Variants in SLC16A1 observed in about 807,000 individuals in gnomAD.
SLC16A1 encodes the protein solute carrier family 16 member 1.
SLC16A1 carries 11 observed loss-of-function variants against 32.2 expected under a neutral mutation model. The observed-to-expected ratio is 0.34, with a 90% confidence interval of 0.21 to 0.56. SLC16A1 has a LOEUF of 0.56. Among genes scored for constraint, SLC16A1 ranks in the 20% least tolerant of loss-of-function variants. The probability of loss-of-function intolerance (pLI) is 0.87; values close to 1 mark genes in which losing one functional copy is unlikely to be tolerated. For synonymous variants in SLC16A1, 231 were observed against 226.8 expected (o/e 1.02, Z -0.17); for missense variants, 435 against 615.0 (o/e 0.71, Z 3.10).
intron 2 of SLC16A1, among the ~76,000 whole-genome samples, chr1:112,927,494 A>C (rs536996687): frequency 6.7e-4 from 102 of 152,324 alleles, no homozygotes; most frequent in African/African-American, 2.3e-3. Flanking sequence ...CAGTTGTAAA[A>C]GTGATGAAAA....
chr1:112,913,857 TG>T lies in SLC16A1; in HGVS notation c.*33del. ...GAATATTTTCAGATATCCTGGGTCA[TG>T]AACTGCTCAATTTACCCTTCAGCCC... On this transcript the variant is annotated 3_prime_UTR_variant, in exon 5 of 5. Transcript: ENST00000369626. The T allele has an allele frequency of 6.2e-7, 1 of 1,613,642 alleles. No individual in the cohort carries two copies. Among genetic ancestry groups the T allele is most frequent in the Non-Finnish European group, 8.5e-7 (1 of 1,179,526 alleles).
In SLC16A1 at chr1:112,917,173, T is replaced by C; in HGVS notation, c.1228+5A>G. 7 of 1,614,180 alleles carry C rather than the reference T, an allele frequency of 4.3e-6. No individual in the cohort carries two copies. The highest frequency in any genetic ancestry group is 5.9e-6 in the Non-Finnish European group (7 of 1,180,034). ...GACCCACATTAGTAGGGAGATATACTATACCTAAAAGTGGTGGCCCCAGGA... is the reference window on the plus strand; with the variant it reads ...GACCCACATTAGTAGGGAGATATACCATACCTAAAAGTGGTGGCCCCAGGA... On this transcript the variant is annotated splice_donor_5th_base_variant and intron_variant, in intron 4 of 4. Coordinates refer to ENST00000369626, the MANE Select transcript of SLC16A1 (RefSeq NM_003051.4). The surrounding 1 kb of genome is among the most constrained non-coding windows in gnomAD (Gnocchi z 4.1).
chr1:112,935,932 C>T (rs1421930796), intron 1 of SLC16A1: 4 of 152,126 alleles, frequency 2.6e-5, no homozygotes, highest in Non-Finnish European at 5.9e-5. Flanking sequence ...TCTTACTCTC[C>T]CTTCTATGTT....
chr1:112,925,721 C>T (rs553021070), intron 2 of SLC16A1, among the ~76,000 whole-genome samples: 1 of 152,086 alleles, frequency 6.6e-6, no homozygotes, highest in Non-Finnish European at 1.5e-5. Flanking sequence ...CTGTAATTTG[C>T]CTTTTCCAAA....
intron 3 of SLC16A1, among the ~76,000 whole-genome samples, chr1:112,921,490 G>C (rs559685805): frequency 1.1e-3 from 167 of 152,284 alleles, no homozygotes; most frequent in African/African-American, 3.7e-3. Context: ...GTGTATCTGT[G>C]CATAGAAAAA....
At chr1:112,936,076 G>C (rs904366652) in intron 1 of SLC16A1, 1 of 152,284 alleles carries the variant, frequency 6.6e-6, no homozygotes, top group Non-Finnish European at 1.5e-5. Flanking sequence ...ACAGGAAATA[G>C]CTGGCCAGTC....
intron 1 of SLC16A1, among the ~76,000 whole-genome samples, chr1:112,950,649 T>C (rs914196138): frequency 6.6e-6 from 1 of 152,174 alleles, no homozygotes; most frequent in Non-Finnish European, 1.5e-5. Flanking sequence ...GCTGCCTCAC[T>C]GGTGTGGTGG....
At position 112,913,512 on chromosome 1, in the gene SLC16A1, T is replaced by C. The variant is rs1404687853; in HGVS notation, c.*379A>G. The C allele has an allele frequency of 5.3e-6, 1 of 187,846 alleles. No individual in the cohort carries two copies. Among genetic ancestry groups the C allele is most frequent in the Non-Finnish European group, 1.1e-5 (1 of 89,126 alleles). The allele number at this position is 187,846 out of a possible 1,614,324, so 11.6% of individuals were successfully genotyped here. ...AGATTTGCCTCAAACAAGTTAGTTG[T>C]TATTTTTCCTTTTAACACAACACTC... On this transcript the variant is annotated 3_prime_UTR_variant, in exon 5 of 5. Transcript: ENST00000369626.
intron 2 of SLC16A1, chr1:112,924,455 CA>C (rs1417234477): frequency 7.4e-6 from 6 of 807,800 alleles, no homozygotes; most frequent in African/African-American, 1.7e-5. Flanking sequence ...AGTATTTGGA[CA>C]AAAACCTAAC....
Position 112,949,636 on chromosome 1 carries a change from T to C in SLC16A1, c.-45+6399A>G, listed in dbSNP as rs1174811739. On this transcript the variant is annotated intron_variant, in intron 1 of 4. Transcript: ENST00000369626. ...TTAGACTCTGGTGCCAGGGATTCCT[T>C]TGGCCATTTAGTAAAACTTATGGAA... Among the ~76,000 whole-genome samples, 5 of 152,284 alleles carry C rather than the reference T, an allele frequency of 3.3e-5. No homozygotes were observed. In the South Asian group the frequency reaches 1.0e-3, roughly 32 times the overall value.
At chr1:112,924,544 T>C (rs538143978) in intron 2 of SLC16A1, among the ~76,000 whole-genome samples, 46 of 152,088 alleles carry the variant, frequency 3.0e-4, no homozygotes, top group Non-Finnish European at 5.4e-4. Context: ...TATAAAAGAA[T>C]ACCTGAGACC....
chr1:112,952,786 A>G (rs372165493), intron 1 of SLC16A1, among the ~76,000 whole-genome samples: 87 of 152,306 alleles, frequency 5.7e-4, no homozygotes, highest in African/African-American at 1.9e-3. Context: ...AAAAACTGAA[A>G]ACAACAGTTT....
chr1:112,941,566 A>G (rs1047675319), intron 1 of SLC16A1, among the ~76,000 whole-genome samples: 3 of 152,150 alleles, frequency 2.0e-5, no homozygotes, highest in Non-Finnish European at 4.4e-5. Context: ...TACAGGTGTG[A>G]GCCACCATGC....
chr1:112,945,700 T>A (rs991129056), intron 1 of SLC16A1, among the ~76,000 whole-genome samples: 1 of 146,744 alleles, frequency 6.8e-6, no homozygotes, highest in Admixed American at 6.8e-5. Flanking sequence ...AAAAAAAAAT[T>A]ACCTACTGTT....
intron 3 of SLC16A1, 104 bp downstream of exon 3, chr1:112,921,886 T>C: frequency 7.2e-7 from 1 of 1,382,248 alleles, no homozygotes. Context: ...AAGTCATTTC[T>C]ATAAGAAAAG....
Position 112,917,810 on chromosome 1 carries a change from C to A in SLC16A1, c.596G>T (p.Gly199Val), listed in dbSNP as rs1648570166. The A allele has an allele frequency of 1.2e-6, 2 of 1,614,016 alleles. No individual in the cohort carries two copies. Among genetic ancestry groups the A allele is most frequent in the African/African-American group, 1.3e-5 (1 of 74,910 alleles). The change falls in exon 4 of 5, where the codon GGG becomes GTG. Residue 199 changes from glycine (G) to valine (V), a missense_variant. Physicochemically the swap from Gly to Val is moderately radical, Grantham distance 109 (BLOSUM62 -3). Coordinates refer to ENST00000369626, the MANE Select transcript of SLC16A1 (RefSeq NM_003051.4). The surrounding 1 kb of genome is among the most constrained non-coding windows in gnomAD (Gnocchi z 4.1). Reference sequence around the variant, plus strand: ...TTTCCCTGCCTTGGTTGGCTTGGGCCCGATTGGTCGCATGAGGGCTCCAGC... The same window carrying A: ...TTTCCCTGCCTTGGTTGGCTTGGGCACGATTGGTCGCATGAGGGCTCCAGC... ...CVAGALMRPI[G>V]PKPTKAGKDK...
intron 2 of SLC16A1, among the ~76,000 whole-genome samples, chr1:112,922,571 C>T (rs1648774805): frequency 6.6e-6 from 1 of 152,042 alleles, no homozygotes; most frequent in African/African-American, 2.4e-5. Flanking sequence ...GTCAGGAGTT[C>T]AAGACCAGCC....
intron 2 of SLC16A1, among the ~76,000 whole-genome samples, chr1:112,926,962 T>G (rs1648962761): frequency 1.3e-5 from 2 of 150,026 alleles, no homozygotes; most frequent in African/African-American, 4.9e-5. Flanking sequence ...AGACCCCATC[T>G]CTACTTAACA....
Position 112,914,091 on chromosome 1 carries a change from T to A in SLC16A1, c.1303A>T (p.Ile435Phe), listed in dbSNP as rs750932034. 9 of 1,614,230 alleles carry A rather than the reference T, an allele frequency of 5.6e-6. No individual in the cohort carries two copies. Among genetic ancestry groups the A allele is most frequent in the Non-Finnish European group, 1.7e-6 (2 of 1,180,042 alleles). ...ACGVVLIISG[I>F]YLFIGMGINY... ...ATGCCCATGCCAATGAAGAGATAGA[T>A]ACCTGAAATAATTAGGACGACGCCA... Residue 435 changes from isoleucine to phenylalanine, a missense_variant, in exon 5 of 5, where the codon ATC becomes TTC. Ile to Phe is a conservative substitution (Grantham distance 21). Coordinates refer to ENST00000369626, the MANE Select transcript of SLC16A1 (RefSeq NM_003051.4).
Sources: allele counts gnomAD v4.1 joint callset (sites outside exome capture counted in the v4.1 genomes callset), GRCh38; gene constraint gnomAD v4.1.1; non-coding constraint Gnocchi (gnomAD v3.1); transcripts MANE v1.5; gene names NCBI Gene and HGNC (gene_info 2026-07-23, HGNC 2026-07-21).